Variants in DOCK8 observed in about 807,000 individuals in gnomAD.
The protein encoded by DOCK8 is dedicator of cytokinesis 8.
Under a neutral mutation model 245.6 loss-of-function variants are expected in DOCK8, and 141 were observed. That is an observed-to-expected ratio of 0.57 (90% CI 0.50 to 0.66). The LOEUF (loss-of-function observed/expected upper bound fraction) is 0.66. Among genes scored for constraint, DOCK8 ranks in the 30% least tolerant of loss-of-function variants. The pLI is 0.00. For synonymous variants in DOCK8, 1,168 were observed against 970.2 expected (o/e 1.20, Z -3.79); for missense variants, 2,965 against 2,603.4 (o/e 1.14, Z -3.02).
In DOCK8 at chr9:328,010, G is replaced by C; in HGVS notation, c.895-12G>C. ...GGTCTAACTTATATTTCACTTTGCT[G>C]CTCATTTACAGATCTCAGAAAATTT... is the stretch of plus-strand genomic sequence containing the variant. On this transcript the variant is annotated splice_polypyrimidine_tract_variant and intron_variant, in intron 8 of 47. Coordinates refer to ENST00000432829, the MANE Select transcript of DOCK8 (RefSeq NM_203447.4). The C allele has an allele frequency of 6.2e-7, 1 of 1,612,896 alleles. No individual in the cohort carries two copies. The highest frequency in any genetic ancestry group is 8.5e-7 in the Non-Finnish European group (1 of 1,178,906).
At chr9:211,742 G>A (rs931529111), upstream of DOCK8, among the ~76,000 whole-genome samples, 3 of 152,106 alleles carry the variant, frequency 2.0e-5, no homozygotes, top group African/African-American at 7.2e-5. Flanking sequence ...CCAAGATACA[G>A]GCCTCTGTGA....
intron 43 of DOCK8, among the ~76,000 whole-genome samples, chr9:445,775 G>C (rs1052200117): frequency 6.6e-6 from 1 of 152,134 alleles, no homozygotes; most frequent in Admixed American, 6.5e-5. Flanking sequence ...AGACATTTGT[G>C]TACAGGTTTT....
intron 6 of DOCK8, among the ~76,000 whole-genome samples, chr9:315,952 C>T (rs529533098): frequency 2.6e-5 from 4 of 152,188 alleles, no homozygotes; most frequent in East Asian, 3.9e-4. Flanking sequence ...TTGCCCTGAG[C>T]GAGTAGGCAT....
Position 221,931 on chromosome 9 carries a change from T to C in DOCK8, c.53+6902T>C, listed in dbSNP as rs112258361. 1.8e-3 allele frequency among the ~76,000 whole-genome samples: 269 copies of C among 152,128 alleles called. 1 individual carries two copies. The highest frequency in any genetic ancestry group is 6.3e-3 in the African/African-American group (262 of 41,500). On this transcript the variant is annotated intron_variant, in intron 1 of 47. Coordinates refer to ENST00000432829, the MANE Select transcript of DOCK8 (RefSeq NM_203447.4). ...TGTTGATTAGATGTAAAATGATTTATTAAATTAATTTTCTATTATTGGGCA... is the reference window on the plus strand; with the variant it reads ...TGTTGATTAGATGTAAAATGATTTACTAAATTAATTTTCTATTATTGGGCA...
At chr9:275,592 T>G (rs894398679) in intron 2 of DOCK8, among the ~76,000 whole-genome samples, 4 of 152,196 alleles carry the variant, frequency 2.6e-5, no homozygotes, top group South Asian at 4.1e-4. Flanking sequence ...TATTTAAAAT[T>G]TTAATGTATT....
At chr9:243,367 T>C (rs1012484625) in intron 1 of DOCK8, among the ~76,000 whole-genome samples, 1 of 152,162 alleles carries the variant, frequency 6.6e-6, no homozygotes, top group African/African-American at 2.4e-5. Context: ...CGGGTCACTG[T>C]TGTTTTCCTG....
At chr9:215,620 A>C (rs1263966172) in intron 1 of DOCK8, 4 of 508,972 alleles carry the variant, frequency 7.9e-6, no homozygotes, top group Non-Finnish European at 1.3e-5. Flanking sequence ...TTTTTTAAAA[A>C]ATCTACACTT....
intron 28 of DOCK8, among the ~76,000 whole-genome samples, chr9:412,609 A>G (rs2055793295): frequency 6.6e-6 from 1 of 152,168 alleles, no homozygotes; most frequent in Non-Finnish European, 1.5e-5. Context: ...TTGTGTTTCT[A>G]TACACTTACG....
chr9:252,927 T>C (rs1175468254), intron 1 of DOCK8, among the ~76,000 whole-genome samples: 1 of 152,160 alleles, frequency 6.6e-6, no homozygotes, highest in Non-Finnish European at 1.5e-5. Flanking sequence ...AACTGAGAAA[T>C]GGATGAAGTT....
At chr9:274,888 A>G (rs2130012579) in intron 2 of DOCK8, among the ~76,000 whole-genome samples, 1 of 152,336 alleles carries the variant, frequency 6.6e-6, no homozygotes, top group South Asian at 2.1e-4. Flanking sequence ...TATTTTTACA[A>G]CCACCATTTC....
At chr9:215,647 A>C in intron 1 of DOCK8, 13 of 418,258 alleles carry the variant, frequency 3.1e-5, no homozygotes, top group Admixed American at 4.6e-5. Flanking sequence ...ACCAAAAGAA[A>C]TGGCCTGTGG....
In DOCK8 at chr9:271,732, A is replaced by C; in HGVS notation, c.156+3A>C. The C allele has an allele frequency of 6.5e-7, 1 of 1,546,606 alleles. No homozygotes were observed. The highest frequency in any genetic ancestry group is 8.8e-7 in the Non-Finnish European group (1 of 1,142,220). The stretch of plus-strand genomic sequence containing the variant: ...CTGGCTTCCCCTCTCTTCAACTAGT[A>C]AGTATGAGTTCCAGGTTTACTTAGC... On this transcript the variant is annotated splice_donor_region_variant and intron_variant, in intron 2 of 47. Transcript: ENST00000432829.
chr9:343,116 A>T (rs1455913730), intron 14 of DOCK8, among the ~76,000 whole-genome samples: 1 of 152,174 alleles, frequency 6.6e-6, no homozygotes, highest in Non-Finnish European at 1.5e-5. Context: ...TTCAGAGCTC[A>T]CCTGATCCAA....
chr9:225,400 T>C (rs1016588896), intron 1 of DOCK8, among the ~76,000 whole-genome samples: 1 of 152,124 alleles, frequency 6.6e-6, no homozygotes, highest in Non-Finnish European at 1.5e-5. Flanking sequence ...CAGAAGGCAT[T>C]GGAAGGGATT....
rs373707641 is a variant in DOCK8 at position 371,554 on chromosome 9, C to G, written c.1995C>G (p.Leu665=). ...AGCAAGGAGCCTCCGTGGAAACTCTCCTGGGATATTCAGTGAGTTGTTTCC... is the reference window on the plus strand; with the variant it reads ...AGCAAGGAGCCTCCGTGGAAACTCTGCTGGGATATTCAGTGAGTTGTTTCC... ...QQKQGASVET[L]LGYSWLPILL... is the part of the protein sequence containing the mutation. Residue 665 remains leucine, a synonymous_variant, in exon 17 of 48, where the codon CTC becomes CTG. Coordinates refer to ENST00000432829, the MANE Select transcript of DOCK8 (RefSeq NM_203447.4). 7.4e-6 allele frequency: 12 copies of G among 1,614,058 alleles called. No individual in the cohort carries two copies. In the African/African-American group the frequency reaches 1.2e-4, roughly 16 times the overall value.
intron 27 of DOCK8, among the ~76,000 whole-genome samples, chr9:405,409 CA>C (rs2055367202): frequency 6.6e-6 from 1 of 152,146 alleles, no homozygotes; most frequent in African/African-American, 2.4e-5. Context: ...TAGAGGATTC[CA>C]AAGTAAATAA....
intron 14 of DOCK8, among the ~76,000 whole-genome samples, chr9:347,338 T>TACA (rs527615164): frequency 1.3e-5 from 2 of 151,930 alleles, no homozygotes; most frequent in Non-Finnish European, 2.9e-5. Flanking sequence ...ACCCTGTCTC[T>TACA]ACAACAACAA....
At chr9:305,019 G>C (rs927375998) in intron 5 of DOCK8, among the ~76,000 whole-genome samples, 5 of 152,124 alleles carry the variant, frequency 3.3e-5, no homozygotes, top group Admixed American at 2.0e-4. Flanking sequence ...GCAAACTACA[G>C]AGTAATGAAA....
At chr9:274,292 A>G (rs1001876067) in intron 2 of DOCK8, among the ~76,000 whole-genome samples, 4 of 152,156 alleles carry the variant, frequency 2.6e-5, no homozygotes, top group Non-Finnish European at 4.4e-5. Context: ...ACCTGTCATC[A>G]TTTAGTCTTG....
Sources: allele counts gnomAD v4.1 joint callset (sites outside exome capture counted in the v4.1 genomes callset), GRCh38; gene constraint gnomAD v4.1.1; transcripts MANE v1.5; gene names NCBI Gene and HGNC (gene_info 2026-07-23, HGNC 2026-07-21).